Variants in SYN3 observed in about 807,000 individuals in gnomAD.
SYN3 encodes synapsin III, also known as synapsin-3.
Under a neutral mutation model 65.8 loss-of-function variants are expected in SYN3, and 35 were observed. That is an observed-to-expected ratio of 0.53 (90% CI 0.41 to 0.70). The LOEUF is 0.70. Ranked by LOEUF, SYN3 falls within the 30% of genes least tolerant of loss-of-function variation. The probability of loss-of-function intolerance (pLI) is 0.00; values close to 1 mark genes in which losing one functional copy is unlikely to be tolerated. For missense variants in SYN3, 680 were observed against 749.0 expected (o/e 0.91, Z 1.08); for synonymous variants, 270 against 292.9 (o/e 0.92, Z 0.80).
Position 32,868,948 on chromosome 22 carries a change from GCCTGC to G in SYN3, c.621+13_621+17del, listed in dbSNP as rs755381387. Reference sequence around the variant, plus strand: ...CTGCCTCCCAGATCCCTCCAGGTCAGCCTGCCCTGTCACCTACCACCCAGGGCTTG... The same window carrying G: ...CTGCCTCCCAGATCCCTCCAGGTCAGCCTGTCACCTACCACCCAGGGCTTG... On this transcript the variant is annotated intron_variant, in intron 5 of 13. Coordinates refer to ENST00000358763, the MANE Select transcript of SYN3 (RefSeq NM_003490.4). 10 of 1,611,476 alleles carry G rather than the reference GCCTGC, an allele frequency of 6.2e-6. No homozygotes were observed. The highest frequency in any genetic ancestry group is 1.7e-6 in the Non-Finnish European group (2 of 1,178,562).
At chr22:32,548,773 T>C (rs556984582) in intron 7 of SYN3, among the ~76,000 whole-genome samples, 32 of 152,312 alleles carry the variant, frequency 2.1e-4, no homozygotes, top group Non-Finnish European at 3.5e-4. Context: ...AGCCGGATGA[T>C]AGTAATTCCA....
At chr22:32,820,202 A>G (rs1045400174) in intron 6 of SYN3, among the ~76,000 whole-genome samples, 2 of 151,812 alleles carry the variant, frequency 1.3e-5, no homozygotes. Flanking sequence ...CCCTCAGGGC[A>G]TGATCACAGG....
chr22:32,643,691 T>C (rs184222293), intron 6 of SYN3, among the ~76,000 whole-genome samples: 23 of 152,194 alleles, frequency 1.5e-4, no homozygotes, highest in Middle Eastern at 3.4e-3. Context: ...ATTTTATGAT[T>C]GGTATGAATT....
In SYN3 at chr22:32,818,164, C is replaced by G. The variant is rs1431187967; in HGVS notation, c.711+46751G>C. Among the ~76,000 whole-genome samples the G allele has an allele frequency of 2.6e-5, 4 of 152,216 alleles. No individual in the cohort carries two copies. In the East Asian group the frequency reaches 7.7e-4, roughly 29 times the overall value. Reference sequence around the variant, plus strand: ...TGAAATTGTCTGAAAATTAATGGCACTGCCAGTTCAGTGGCTGCTCAGAGC... The same window carrying G: ...TGAAATTGTCTGAAAATTAATGGCAGTGCCAGTTCAGTGGCTGCTCAGAGC... On this transcript the variant is annotated intron_variant, in intron 6 of 13. Coordinates refer to ENST00000358763, the MANE Select transcript of SYN3 (RefSeq NM_003490.4).
At chr22:32,619,828 C>G (rs2059570196) in intron 6 of SYN3, among the ~76,000 whole-genome samples, 1 of 152,260 alleles carries the variant, frequency 6.6e-6, no homozygotes, top group South Asian at 2.1e-4. Context: ...TCAGCTCTCT[C>G]TGGGACCCCG....
chr22:33,025,634 GA>G (rs34210309), intron 1 of SYN3, among the ~76,000 whole-genome samples: 3,131 of 142,626 alleles, frequency 0.022, 55 homozygotes, highest in African/African-American at 0.046. Flanking sequence ...ACTCCGTCTG[GA>G]AAAAAAAAAA....
chr22:32,941,947 C>T (rs1601745233), intron 3 of SYN3, among the ~76,000 whole-genome samples: 1 of 152,332 alleles, frequency 6.6e-6, no homozygotes, highest in East Asian at 1.9e-4. Flanking sequence ...ACAAAGCAGC[C>T]AGGAAGCTCA....
intron 7 of SYN3, among the ~76,000 whole-genome samples, chr22:32,562,934 C>T (rs1243502725): frequency 6.6e-6 from 1 of 152,252 alleles, no homozygotes. Context: ...AACTCCAGTT[C>T]CAGCTGGGAA....
At chr22:32,616,712 C>A (rs2059525644) in intron 6 of SYN3, among the ~76,000 whole-genome samples, 1 of 152,082 alleles carries the variant, frequency 6.6e-6, no homozygotes, top group African/African-American at 2.4e-5. Context: ...GATCTGTAAG[C>A]AAATGATTTC....
chr22:32,695,700 T>G (rs1225768094), intron 6 of SYN3, among the ~76,000 whole-genome samples: 2 of 152,200 alleles, frequency 1.3e-5, no homozygotes, highest in African/African-American at 4.8e-5. Flanking sequence ...ATTTAAGCAA[T>G]GGAGGTCAGG....
At chr22:32,746,935 T>C (rs1217583030) in intron 6 of SYN3, among the ~76,000 whole-genome samples, 4 of 152,170 alleles carry the variant, frequency 2.6e-5, no homozygotes, top group African/African-American at 4.8e-5. Context: ...CAATTTGTGC[T>C]GTGCTCCAAA....
chr22:32,869,175 C>T, intron 4 of SYN3, 50 bp from the exon 5 acceptor site: 1 of 1,583,822 alleles, frequency 6.3e-7, no homozygotes, highest in Non-Finnish European at 8.6e-7. Context: ...GATGAAACAC[C>T]AGGGCATCCG....
chr22:32,978,565 C>T (rs1050840701), intron 3 of SYN3, among the ~76,000 whole-genome samples: 2 of 152,146 alleles, frequency 1.3e-5, no homozygotes, highest in East Asian at 3.9e-4. Flanking sequence ...GACATCCTAT[C>T]CATTCTTTGA....
intron 6 of SYN3, among the ~76,000 whole-genome samples, chr22:32,771,819 A>C (rs552664628): frequency 3.3e-5 from 5 of 152,350 alleles, no homozygotes; most frequent in African/African-American, 1.2e-4. Context: ...CATTCATGAC[A>C]TTTGTGCTAC....
At chr22:32,798,461 G>C (rs1336533563) in intron 6 of SYN3, among the ~76,000 whole-genome samples, 2 of 151,964 alleles carry the variant, frequency 1.3e-5, no homozygotes, top group Non-Finnish European at 2.9e-5. Context: ...TCCTTTTTAC[G>C]ACTTCTCTTC....
chr22:32,605,968 T>C (rs527643099), intron 6 of SYN3, among the ~76,000 whole-genome samples: 16 of 152,292 alleles, frequency 1.1e-4, no homozygotes, highest in African/African-American at 2.6e-4. Context: ...TCCCACCAGA[T>C]TGATGGGAGG....
chr22:32,987,720 G>A (rs1405663852), intron 2 of SYN3, among the ~76,000 whole-genome samples: 1 of 152,078 alleles, frequency 6.6e-6, no homozygotes, highest in Non-Finnish European at 1.5e-5. Context: ...AGATTTTTGT[G>A]GGCAGGATCT....
chr22:32,581,399 G>A (rs1209165746), intron 7 of SYN3, among the ~76,000 whole-genome samples: 3 of 152,344 alleles, frequency 2.0e-5, no homozygotes, highest in East Asian at 1.9e-4. Flanking sequence ...GGCATGAGCC[G>A]TAGCTCCCGG....
intron 1 of SYN3, among the ~76,000 whole-genome samples, chr22:33,048,261 T>G (rs2054101571): frequency 6.6e-6 from 1 of 151,984 alleles, no homozygotes; most frequent in Non-Finnish European, 1.5e-5. Flanking sequence ...ATTTTCATTA[T>G]TGTTAAAAAA....
Sources: allele counts gnomAD v4.1 joint callset (sites outside exome capture counted in the v4.1 genomes callset), GRCh38; gene constraint gnomAD v4.1.1; transcripts MANE v1.5; gene names NCBI Gene and HGNC (gene_info 2026-07-23, HGNC 2026-07-21).